The following USP13 variants were observed in gnomAD, a reference collection of about 807,000 sequenced individuals.
USP13 encodes the protein ubiquitin carboxyl-terminal hydrolase 13.
Under a neutral mutation model 107.8 loss-of-function variants are expected in USP13, and 68 were observed. That is an observed-to-expected ratio of 0.63 (90% confidence interval 0.52 to 0.77). USP13 has a LOEUF of 0.77. Ranked by LOEUF, USP13 falls within the 30% of genes least tolerant of loss-of-function variation. The pLI is 0.00. For missense variants in USP13, 945 were observed against 1,093.3 expected (o/e 0.86, Z 1.91); for synonymous variants, 377 against 389.5 (o/e 0.97, Z 0.38).
At chr3:179,712,499 C>T (rs1380444424) in intron 6 of USP13, among the ~76,000 whole-genome samples, 1 of 152,062 alleles carries the variant, frequency 6.6e-6, no homozygotes, top group African/African-American at 2.4e-5. Context: ...CGCACACCCA[C>T]CTCACATTTT....
At chr3:179,698,140 G>A (rs964138791) in intron 3 of USP13, among the ~76,000 whole-genome samples, 12 of 152,140 alleles carry the variant, frequency 7.9e-5, no homozygotes, top group African/African-American at 1.7e-4. Context: ...ACTCATTTCC[G>A]GCTCTCTGAG....
chr3:179,709,120 T>C (rs993803048), intron 6 of USP13, among the ~76,000 whole-genome samples, 163 bp downstream of exon 6: 1 of 152,234 alleles, frequency 6.6e-6, no homozygotes, highest in Non-Finnish European at 1.5e-5. Flanking sequence ...GGGCAAGTTT[T>C]CTAATCTCCC....
At position 179,721,075 on chromosome 3, in the gene USP13, T is replaced by C. The variant is rs9882786; in HGVS notation, c.901-327T>C. On this transcript the variant is annotated intron_variant, in intron 7 of 20. Coordinates refer to ENST00000263966, the MANE Select transcript of USP13 (RefSeq NM_003940.3). The surrounding 1 kb of genome is among the most constrained non-coding windows in gnomAD (Gnocchi z 4.3). ...CTGCCCACCTCAGCCTCCCAAAGTG[T>C]TGGGATTACAGGTGTGAACCGCTGC... Among the ~76,000 whole-genome samples, 125,957 of 152,154 alleles carry C rather than the reference T, an allele frequency of 0.83. 52,372 individuals carry two copies. Among genetic ancestry groups the C allele is most frequent in the East Asian group, 0.93 (4,800 of 5,174 alleles).
At chr3:179,714,633 T>C (rs1175412090) in intron 6 of USP13, among the ~76,000 whole-genome samples, 1 of 152,082 alleles carries the variant, frequency 6.6e-6, no homozygotes, top group African/African-American at 2.4e-5. Flanking sequence ...ACCAACAAAA[T>C]CTGCTTCTAT....
chr3:179,730,225 G>A lies in USP13; in HGVS notation c.1125G>A (p.Ser375=), dbSNP rs755619063. The part of the protein sequence containing the change: ...VGNLPRIFDY[S]PLDPTQDFNT... ...ACCTTCCCAGAATATTTGACTACTC[G>A]CCTTTAGATCCAACACAAGATTTCA... The change falls in exon 9 of 21, where the codon TCG becomes TCA. Residue 375 remains serine, a synonymous_variant. Transcript: ENST00000263966. 10 of 1,613,076 alleles carry A rather than the reference G, an allele frequency of 6.2e-6. No homozygotes were observed. Among genetic ancestry groups the A allele is most frequent in the African/African-American group, 4.0e-5 (3 of 74,762 alleles).
chr3:179,758,236 T>C (rs1714874496), intron 16 of USP13, among the ~76,000 whole-genome samples: 1 of 152,100 alleles, frequency 6.6e-6, no homozygotes, highest in South Asian at 2.1e-4. Context: ...GCCACTAGAC[T>C]ATCCTGGCAT....
intron 11 of USP13, among the ~76,000 whole-genome samples, chr3:179,741,013 C>T (rs975250526): frequency 5.9e-5 from 9 of 151,990 alleles, no homozygotes; most frequent in African/African-American, 2.2e-4. Context: ...GATCCACCCG[C>T]CTCGGCCTCC....
At chr3:179,777,500 T>C (rs954196818) in intron 19 of USP13, among the ~76,000 whole-genome samples, 11 of 148,092 alleles carry the variant, frequency 7.4e-5, no homozygotes, top group African/African-American at 2.7e-4. Flanking sequence ...TCGCCCAGGC[T>C]GGAGTACAGT....
chr3:179,713,502 CA>C (rs1321926707), intron 6 of USP13, among the ~76,000 whole-genome samples: 2 of 151,642 alleles, frequency 1.3e-5, no homozygotes, highest in African/African-American at 4.8e-5. Flanking sequence ...CATTGAGGCC[CA>C]GGGGTAGGGT....
intron 3 of USP13, among the ~76,000 whole-genome samples, chr3:179,696,017 A>G (rs1013435595): frequency 1.3e-5 from 2 of 152,176 alleles, no homozygotes; most frequent in South Asian, 4.1e-4. Flanking sequence ...GTTACCCTGT[A>G]TTCCTTCCAA....
intron 3 of USP13, among the ~76,000 whole-genome samples, chr3:179,693,127 C>G (rs1479547540): frequency 2.0e-5 from 3 of 152,002 alleles, no homozygotes; most frequent in Admixed American, 2.0e-4. Flanking sequence ...ACAAATTTAC[C>G]TCCGTCATCC....
At chr3:179,744,157 G>T (rs1182436396) in intron 12 of USP13, among the ~76,000 whole-genome samples, 1 of 152,048 alleles carries the variant, frequency 6.6e-6, no homozygotes, top group Non-Finnish European at 1.5e-5. Flanking sequence ...AAGTTGTCTC[G>T]GCAGTGTTGG....
chr3:179,672,781 C>T (rs946176866), intron 1 of USP13, among the ~76,000 whole-genome samples: 1 of 152,150 alleles, frequency 6.6e-6, no homozygotes, highest in African/African-American at 2.4e-5. Context: ...CATTATAGAG[C>T]CCTGTGCAGT....
At chr3:179,664,765 C>A (rs973867733) in intron 1 of USP13, among the ~76,000 whole-genome samples, 3 of 152,140 alleles carry the variant, frequency 2.0e-5, no homozygotes, top group Admixed American at 2.0e-4. Context: ...GCTTGAGGTG[C>A]AAGATAGTAT....
intron 9 of USP13, 100 bp from the exon 10 acceptor site, chr3:179,730,516 C>A: frequency 9.9e-7 from 1 of 1,008,814 alleles, no homozygotes; most frequent in South Asian, 1.6e-5. Flanking sequence ...AAATGCTCCA[C>A]CTAACAGCAG....
chr3:179,759,913 C>A (rs934755473), intron 16 of USP13, among the ~76,000 whole-genome samples: 3 of 152,144 alleles, frequency 2.0e-5, no homozygotes, highest in African/African-American at 7.2e-5. Flanking sequence ...ACCTTGTGAT[C>A]CACCTGCCTC....
At chr3:179,714,374 C>T (rs1374890421) in intron 6 of USP13, among the ~76,000 whole-genome samples, 1 of 152,206 alleles carries the variant, frequency 6.6e-6, no homozygotes, top group East Asian at 1.9e-4. Flanking sequence ...AATCAGGGCA[C>T]GGACTACTTC....
rs764867460 is a variant in USP13 at position 179,740,259 on chromosome 3, G to A, written c.1267G>A (p.Gly423Arg). 1.9e-6 allele frequency: 3 copies of A among 1,614,070 alleles called. No individual in the cohort carries two copies. The highest frequency in any genetic ancestry group is 4.5e-5 in the East Asian group (2 of 44,882). The part of the protein sequence containing the change: ...MKEEHKPQQN[G>R]ISPRMFKAFV... ...TTTTATACATTAGCCACAGCAGAACGGGATCTCTCCGCGCATGTTTAAGGC... is the reference window on the plus strand; with the variant it reads ...TTTTATACATTAGCCACAGCAGAACAGGATCTCTCCGCGCATGTTTAAGGC... Residue 423 changes from glycine (G) to arginine (R), a missense_variant, in exon 11 of 21, where the codon GGG becomes AGG. Transcript: ENST00000263966.
chr3:179,665,316 G>A (rs750861129), intron 1 of USP13, among the ~76,000 whole-genome samples: 3 of 152,142 alleles, frequency 2.0e-5, no homozygotes, highest in Non-Finnish European at 4.4e-5. Context: ...GGACATAACC[G>A]CTTGAGCTAA....
Sources: gnomAD v4.1 joint callset for allele counts (sites outside exome capture counted in the v4.1 genomes callset) on GRCh38, gnomAD v4.1.1 for gene constraint, Gnocchi (gnomAD v3.1) non-coding constraint, MANE v1.5 for transcripts, NCBI Gene and HGNC (gene_info 2026-07-23, HGNC 2026-07-21) for gene names.